Variants in BRINP3 observed in about 807,000 individuals in gnomAD.
BRINP3 encodes the protein BMP/retinoic acid-inducible neural-specific protein 3.
Under a neutral mutation model 71.0 loss-of-function variants are expected in BRINP3, and 19 were observed. The observed-to-expected ratio is 0.27, with a 90% CI of 0.19 to 0.39. The LOEUF (loss-of-function observed/expected upper bound fraction) is 0.39. BRINP3 is among the 10% of genes least tolerant of loss of function. The probability of loss-of-function intolerance (pLI) is 1.00; values close to 1 mark genes in which losing one functional copy is unlikely to be tolerated. For missense variants in BRINP3, 959 were observed against 940.8 expected, an observed-to-expected ratio of 1.02 and a Z score of -0.25; for synonymous variants, 380 against 337.7, an observed-to-expected ratio of 1.13 and a Z score of -1.37.
chr1:190,469,444 G>C (rs1228634572), intron 1 of BRINP3, among the ~76,000 whole-genome samples: 1 of 150,924 alleles, frequency 6.6e-6, no homozygotes, highest in Non-Finnish European at 1.5e-5. Flanking sequence ...AAAATGTTAA[G>C]AAAGCAAGCA....
chr1:190,346,671 T>G (rs1668042616), intron 2 of BRINP3, among the ~76,000 whole-genome samples: 1 of 152,086 alleles, frequency 6.6e-6, no homozygotes, highest in African/African-American at 2.4e-5. Context: ...TGCATTTATA[T>G]TTTTCACCCT....
chr1:190,292,785 A>G (rs1663968098), intron 2 of BRINP3, among the ~76,000 whole-genome samples: 1 of 151,870 alleles, frequency 6.6e-6, no homozygotes, highest in Admixed American at 6.6e-5. Context: ...GGTAAGTTGT[A>G]TTTTTCCAAG....
At chr1:190,356,325 T>C (rs532158544) in intron 2 of BRINP3, among the ~76,000 whole-genome samples, 1 of 151,952 alleles carries the variant, frequency 6.6e-6, no homozygotes, top group African/African-American at 2.4e-5. Flanking sequence ...AATAGAAAAT[T>C]GAATAGTGTC....
At chr1:190,389,214 G>A (rs1671094624) in intron 2 of BRINP3, among the ~76,000 whole-genome samples, 1 of 151,390 alleles carries the variant, frequency 6.6e-6, no homozygotes, top group African/African-American at 2.4e-5. Flanking sequence ...AAATTTATAA[G>A]TCACCAAAAT....
intron 2 of BRINP3, chr1:190,342,483 T>C (rs1667728081): frequency 6.6e-6 from 1 of 151,582 alleles, no homozygotes; most frequent in Non-Finnish European, 1.5e-5. Flanking sequence ...TTTGCTATTT[T>C]ACGAAGAGTA....
intron 6 of BRINP3, among the ~76,000 whole-genome samples, chr1:190,169,830 T>A (rs907266669): frequency 6.6e-6 from 1 of 152,184 alleles, no homozygotes; most frequent in Non-Finnish European, 1.5e-5. Flanking sequence ...TCTTTTATAA[T>A]TTATTTAGTG....
intron 2 of BRINP3, among the ~76,000 whole-genome samples, chr1:190,287,489 T>A (rs1382517061): frequency 2.6e-5 from 4 of 152,026 alleles, no homozygotes; most frequent in Admixed American, 2.0e-4. Flanking sequence ...TTGGGAAAAA[T>A]TTTTGGATGA....
intron 7 of BRINP3, among the ~76,000 whole-genome samples, chr1:190,155,780 T>G (rs1172849854): frequency 2.0e-5 from 3 of 152,020 alleles, no homozygotes; most frequent in African/African-American, 7.2e-5. Context: ...CCCCCCTAGC[T>G]TCCTTTCTCT....
intron 4 of BRINP3, among the ~76,000 whole-genome samples, chr1:190,242,660 G>A (rs1659217854): frequency 6.6e-6 from 1 of 152,006 alleles, no homozygotes; most frequent in Non-Finnish European, 1.5e-5. Context: ...AAAAGGTAGT[G>A]TTTGGTTTTT....
At chr1:190,381,683 T>C (rs1670557930) in intron 2 of BRINP3, among the ~76,000 whole-genome samples, 1 of 152,144 alleles carries the variant, frequency 6.6e-6, no homozygotes, top group South Asian at 2.1e-4. Context: ...ATAATAATAA[T>C]GTAAATGAAT....
At chr1:190,429,593 CTTT>C (rs66510191) in intron 2 of BRINP3, among the ~76,000 whole-genome samples, 3 of 138,988 alleles carry the variant, frequency 2.2e-5, no homozygotes. Context: ...TTCTTTCTTC[CTTT>C]TTTTTTTTTT....
rs1329519124 is a variant in BRINP3, at chr1:190,226,095, G to T, written c.948C>A (p.Asp316Glu). 2.5e-6 allele frequency: 4 copies of T among 1,586,972 alleles called. No individual in the cohort carries two copies. Among genetic ancestry groups the T allele is most frequent in the Non-Finnish European group, 3.4e-6 (4 of 1,164,600 alleles). The change falls in exon 6 of 8, where the codon GAC becomes GAA. Residue 316 changes from aspartate to glutamate, a missense_variant. Asp to Glu is a conservative substitution (Grantham distance 45, BLOSUM62 2). Coordinates refer to ENST00000367462, the MANE Select transcript of BRINP3 (RefSeq NM_199051.3). ...TACATGTCTTACCTGATTCCTCAAA[G>T]TCACTGTTGTAAGCTTTCCAGGTTT... The part of the protein sequence containing the change: ...ITETWKAYNS[D>E]FEESDEFKLF...
chr1:190,444,491 A>T (rs1227818507), intron 2 of BRINP3, among the ~76,000 whole-genome samples: 4 of 151,686 alleles, frequency 2.6e-5, no homozygotes, highest in African/African-American at 9.6e-5. Flanking sequence ...AGGTTTGTTT[A>T]TATAAAAATA....
chr1:190,373,434 A>ATGTGTGTGTG (rs71123087), intron 2 of BRINP3, among the ~76,000 whole-genome samples: 5 of 143,920 alleles, frequency 3.5e-5, no homozygotes, highest in Middle Eastern at 6.9e-3. Context: ...ATATATATAT[A>ATGTGTGTGTG]TGTGTGTGTG....
intron 6 of BRINP3, among the ~76,000 whole-genome samples, chr1:190,175,894 C>A (rs1162536920): frequency 1.3e-5 from 2 of 152,148 alleles, no homozygotes; most frequent in Admixed American, 6.6e-5. Flanking sequence ...CAGTGTTGAG[C>A]TCTGCAGGAT....
intron 3 of BRINP3, among the ~76,000 whole-genome samples, chr1:190,269,688 A>T (rs1661944200): frequency 6.6e-6 from 1 of 152,082 alleles, no homozygotes; most frequent in Non-Finnish European, 1.5e-5. Flanking sequence ...AATACAAATT[A>T]AAAGTAATTG....
chr1:190,113,702 G>A (rs527649080), intron 7 of BRINP3, among the ~76,000 whole-genome samples: 11 of 152,200 alleles, frequency 7.2e-5, no homozygotes, highest in African/African-American at 2.4e-4. Flanking sequence ...CAAGTCCTCC[G>A]TCAATTAGTG....
intron 2 of BRINP3, among the ~76,000 whole-genome samples, chr1:190,348,830 C>T (rs1318703782): frequency 1.3e-5 from 2 of 152,112 alleles, no homozygotes; most frequent in Non-Finnish European, 2.9e-5. Context: ...AACACAGCTA[C>T]TTAGGATCAA....
chr1:190,203,772 T>G, intron 6 of BRINP3, among the ~76,000 whole-genome samples: 1 of 45,326 alleles, frequency 2.2e-5, no homozygotes, highest in East Asian at 9.3e-4. Context: ...TATATATATA[T>G]ATATATATAT....
Sources: gnomAD v4.1 joint callset for allele counts (sites outside exome capture counted in the v4.1 genomes callset) on GRCh38, gnomAD v4.1.1 for gene constraint, MANE v1.5 for transcripts, NCBI Gene and HGNC (gene_info 2026-07-23, HGNC 2026-07-21) for gene names.